Variants in EMID1 observed in about 807,000 individuals in gnomAD.
The protein encoded by EMID1 is EMI domain containing 1.
Under a neutral mutation model 60.6 loss-of-function variants are expected in EMID1, and 40 were observed. That is an observed-to-expected ratio of 0.66 (90% CI 0.51 to 0.86). The LOEUF is 0.86. Among genes scored for constraint, EMID1 ranks in the 40% least tolerant of loss-of-function variants. The probability of loss-of-function intolerance (pLI) is 0.00; values close to 1 mark genes in which losing one functional copy is unlikely to be tolerated. For missense variants in EMID1, 585 were observed against 597.1 expected (o/e 0.98, Z 0.21); for synonymous variants, 242 against 231.0 (o/e 1.05, Z -0.43).
At chr22:29,214,840 C>T (rs900250307) in intron 1 of EMID1, 86 bp from the exon 2 acceptor site, 3 of 955,602 alleles carry the variant, frequency 3.1e-6, no homozygotes, top group African/African-American at 3.3e-5. Context: ...TTGAAGAGAA[C>T]ACGGACGTCC....
chr22:29,253,978 CG>C (rs1439125143), intron 13 of EMID1: 3 of 985,456 alleles, frequency 3.0e-6, no homozygotes. Flanking sequence ...TGGGATCCAA[CG>C]GGACCTTCTG....
chr22:29,257,221 TG>T (rs2041736173), intron 14 of EMID1, among the ~76,000 whole-genome samples: 1 of 151,886 alleles, frequency 6.6e-6, no homozygotes, highest in African/African-American at 2.4e-5. Context: ...GACTGGGAAA[TG>T]GGACAGGGAA....
At chr22:29,215,689 A>G in intron 3 of EMID1, 59 bp downstream of exon 3, 1 of 1,350,478 alleles carries the variant, frequency 7.4e-7, no homozygotes, top group African/African-American at 1.4e-5. Context: ...GCCTCCCTGC[A>G]GGTGCATGGA....
intron 12 of EMID1, among the ~76,000 whole-genome samples, chr22:29,239,800 CAGGCACTGG>C (rs2041090267): frequency 1.3e-5 from 2 of 151,506 alleles, no homozygotes; most frequent in South Asian, 4.2e-4. Context: ...CTCTGTCTCC[CAGGCACTGG>C]AGTGCAGTGG....
Position 29,206,096 on chromosome 22 carries a change from G to A in EMID1, c.58G>A (p.Gly20Ser). The stretch of plus-strand genomic sequence containing the variant: ...CCTCGGGCTCCTGCTCCCGGGAGGC[G>A]GCGCTGCGTGGAGCATCGGGGCAGC... Reference protein sequence around the residue: ...LCLGLLLPGGGAAWSIGAAPF... With the variant: ...LCLGLLLPGGSAAWSIGAAPF... Residue 20 changes from glycine to serine, a missense_variant, in exon 1 of 15, where the codon GGC becomes AGC. Coordinates refer to ENST00000334018, the MANE Select transcript of EMID1 (RefSeq NM_133455.4). 8.1e-7 allele frequency: 1 copy of A among 1,230,806 alleles called. No individual in the cohort carries two copies. Among genetic ancestry groups the A allele is most frequent in the African/African-American group, 1.6e-5 (1 of 64,480 alleles). The allele number at this position is 1,230,806 out of a possible 1,614,324, so 76.2% of individuals were successfully genotyped here. A position where few individuals can be genotyped will look rare whatever the true frequency, so the allele number is the denominator to read the frequency against.
In EMID1 at chr22:29,206,252, AG is replaced by A. The variant is rs1431428594; in HGVS notation, c.101+116del. On this transcript the variant is annotated intron_variant, in intron 1 of 14. Transcript: ENST00000334018. ...GGCGATCCAGTCCCCAGCCCGGGTG[AG>A]GGCAGGGACACGGCCATCCCGCGGT... The A allele has an allele frequency of 8.3e-6, 7 of 844,372 alleles. No individual in the cohort carries two copies. In the African/African-American group the frequency reaches 1.1e-4, roughly 13 times the overall value. 52.3% of individuals were successfully genotyped at this position (844,372 alleles called of 1,614,324 possible).
At chr22:29,244,512 A>G (rs905349294) in intron 13 of EMID1, among the ~76,000 whole-genome samples, 1 of 152,028 alleles carries the variant, frequency 6.6e-6, no homozygotes, top group African/African-American at 2.4e-5. Flanking sequence ...GGTGGTACGC[A>G]CCTGTAGTCC....
At chr22:29,224,535 C>A (rs1473166607) in intron 3 of EMID1, among the ~76,000 whole-genome samples, 1 of 152,228 alleles carries the variant, frequency 6.6e-6, no homozygotes, top group East Asian at 1.9e-4. Flanking sequence ...CCCTCCCAGG[C>A]AGCCAGCCTC....
intron 12 of EMID1, among the ~76,000 whole-genome samples, chr22:29,238,973 A>G (rs1238999824): frequency 2.8e-5 from 4 of 143,462 alleles, no homozygotes; most frequent in Non-Finnish European, 4.5e-5. Flanking sequence ...TTTTGGGGGG[A>G]AAATTCTGTC....
At chr22:29,239,137 T>G (rs1439150018) in intron 12 of EMID1, among the ~76,000 whole-genome samples, 1 of 144,814 alleles carries the variant, frequency 6.9e-6, no homozygotes, top group African/African-American at 2.7e-5. Flanking sequence ...GTTTTGAAAG[T>G]TTCCATTGTC....
At chr22:29,253,962 G>C (rs2041613167) in intron 13 of EMID1, 1 of 985,332 alleles carries the variant, frequency 1.0e-6, no homozygotes, top group Admixed American at 6.1e-5. Flanking sequence ...TCAGAGAGCA[G>C]CCAGCTGGGA....
intron 5 of EMID1, among the ~76,000 whole-genome samples, chr22:29,228,312 C>T (rs1247606642): frequency 1.3e-5 from 2 of 151,536 alleles, no homozygotes; most frequent in African/African-American, 2.4e-5. Flanking sequence ...GACGACAGAG[C>T]GAGACTCCGT....
At chr22:29,254,111 C>T (rs2146461594) in intron 13 of EMID1, 92 bp from the exon 14 acceptor site, 1 of 1,594,604 alleles carries the variant, frequency 6.3e-7, no homozygotes, top group Non-Finnish European at 8.5e-7. Flanking sequence ...GCTGCAGGTG[C>T]ATGTCCCGGG....
At chr22:29,237,564 C>T (rs1248066138) in intron 12 of EMID1, among the ~76,000 whole-genome samples, 3 of 143,378 alleles carry the variant, frequency 2.1e-5, no homozygotes, top group Non-Finnish European at 4.5e-5. Context: ...TTTGGGAGGC[C>T]GAGGTGGGCA....
chr22:29,241,551 G>A (rs1382341713), intron 12 of EMID1, among the ~76,000 whole-genome samples: 2 of 151,164 alleles, frequency 1.3e-5, no homozygotes, highest in African/African-American at 2.4e-5. Flanking sequence ...ACCACGCCCA[G>A]CTAATTTTTG....
In EMID1 at chr22:29,229,917, C is replaced by T. The variant is rs186256502; in HGVS notation, c.466-1103C>T. Among the ~76,000 whole-genome samples the T allele has an allele frequency of 4.5e-3, 688 of 152,308 alleles. 3 individuals are homozygous for T. The highest frequency in any genetic ancestry group is 7.2e-3 in the Non-Finnish European group (487 of 68,036). ...TGTGGTCATCTGGCCTTTCGTTGGT[C>T]CTCAGCAGCTGAGGGGACACTTCCA... On this transcript the variant is annotated intron_variant, in intron 5 of 14. Coordinates refer to ENST00000334018, the MANE Select transcript of EMID1 (RefSeq NM_133455.4).
Position 29,259,211 on chromosome 22 carries a change from C to A in EMID1, c.*267C>A. ...TTCAAGGAGGGATAGAGGTACAAGG[C>A]TTCGTCTCATCTGCTGTCTGAGCAT... On this transcript the variant is annotated 3_prime_UTR_variant, in exon 15 of 15. Coordinates refer to ENST00000334018, the MANE Select transcript of EMID1 (RefSeq NM_133455.4). The A allele has an allele frequency of 2.0e-6, 1 of 496,972 alleles. No individual in the cohort carries two copies. Among genetic ancestry groups the A allele is most frequent in the Non-Finnish European group, 3.5e-6 (1 of 286,776 alleles). The allele number at this position is 496,972 out of a possible 1,614,324, so 30.8% of individuals were successfully genotyped here.
intron 13 of EMID1, among the ~76,000 whole-genome samples, chr22:29,248,718 G>C (rs958287160): frequency 2.6e-5 from 4 of 152,090 alleles, no homozygotes; most frequent in African/African-American, 9.7e-5. Flanking sequence ...GCATGTGCCT[G>C]TGGTCCCAGG....
chr22:29,240,495 G>GTAA (rs2041114548), intron 12 of EMID1, among the ~76,000 whole-genome samples: 1 of 151,980 alleles, frequency 6.6e-6, no homozygotes, highest in Non-Finnish European at 1.5e-5. Context: ...CTGCCACACC[G>GTAA]TAATCTAAGC....
Sources: gnomAD v4.1 joint callset for allele counts (sites outside exome capture counted in the v4.1 genomes callset) on GRCh38, gnomAD v4.1.1 for gene constraint, MANE v1.5 for transcripts, NCBI Gene and HGNC (gene_info 2026-07-23, HGNC 2026-07-21) for gene names.